Variants in PYM1 observed in about 807,000 individuals in gnomAD.
PYM1 encodes PYM1 exon junction complex associated factor, also known as partner of Y14 and mago.
In PYM1, 7 loss-of-function variants were observed where a neutral mutation model predicts 20.7. That is an observed-to-expected ratio of 0.34 (90% CI 0.19 to 0.64). The LOEUF is 0.64. Ranked by LOEUF, PYM1 falls within the 30% of genes least tolerant of loss-of-function variation. The probability of loss-of-function intolerance (pLI) is 0.74; values close to 1 mark genes in which losing one functional copy is unlikely to be tolerated. For synonymous variants in PYM1, 100 were observed against 99.2 expected (o/e 1.01, Z -0.05); for missense variants, 194 against 250.0 (o/e 0.78, Z 1.51).
At chr12:55,905,879 GAT>G (rs1176896318) in intron 1 of PYM1, among the ~76,000 whole-genome samples, 2 of 104,984 alleles carry the variant, frequency 1.9e-5, no homozygotes, top group South Asian at 2.8e-4. Context: ...ATATCTATTA[GAT>G]ATATATATTA....
chr12:55,914,503 A>G (rs1426151555), intron 1 of PYM1: 1 of 620,880 alleles, frequency 1.6e-6, no homozygotes, highest in Admixed American at 2.7e-5. Context: ...CCGTTTTTTA[A>G]TTCTCAATCT....
chr12:55,926,747 TGA>T (rs1883195172), intron 1 of PYM1, among the ~76,000 whole-genome samples: 2 of 151,328 alleles, frequency 1.3e-5, no homozygotes, highest in African/African-American at 4.9e-5. Context: ...TGGAGGGAAA[TGA>T]GAGTGTAGAA....
intron 1 of PYM1, among the ~76,000 whole-genome samples, chr12:55,908,293 T>G (rs1028438337): frequency 2.6e-5 from 4 of 151,546 alleles, no homozygotes; most frequent in Non-Finnish European, 4.4e-5. Flanking sequence ...TAGCTGGGCA[T>G]GGTGGCACGT....
At chr12:55,905,711 A>AT (rs1158150706) in intron 1 of PYM1, among the ~76,000 whole-genome samples, 4 of 34,304 alleles carry the variant, frequency 1.2e-4, no homozygotes, top group African/African-American at 3.0e-4. Flanking sequence ...CCAATTAAAA[A>AT]ATATATATAT....
At position 55,901,965 on chromosome 12, in the gene PYM1, C is replaced by T. The variant is rs766733413; in HGVS notation, c.522G>A (p.Gly174=). The T allele has an allele frequency of 3.1e-6, 5 of 1,614,152 alleles. No homozygotes were observed. The highest frequency in any genetic ancestry group is 4.2e-6 in the Non-Finnish European group (5 of 1,180,026). The change falls in exon 3 of 3, where the codon GGG becomes GGA. Residue 174 remains glycine, a synonymous_variant. Coordinates refer to ENST00000408946, the MANE Select transcript of PYM1 (RefSeq NM_032345.3). ...VEELQQRIQA[G]EVSQPSKEQL... ...GCTCTTTGCTAGGCTGGCTGACTTCCCCAGCCTGGATCCGCTGCTGCAGCT... is the reference window on the plus strand; with the variant it reads ...GCTCTTTGCTAGGCTGGCTGACTTCTCCAGCCTGGATCCGCTGCTGCAGCT...
intron 1 of PYM1, among the ~76,000 whole-genome samples, chr12:55,919,788 T>C (rs1883067584): frequency 6.6e-6 from 1 of 151,782 alleles, no homozygotes; most frequent in South Asian, 2.1e-4. Flanking sequence ...TAATCTCATC[T>C]ATTTGGGAGG....
intron 1 of PYM1, 148 bp downstream of exon 1, chr12:55,927,577 G>C (rs1364036122): frequency 1.9e-6 from 2 of 1,037,124 alleles, no homozygotes; most frequent in Non-Finnish European, 2.8e-6. Context: ...GGGCGCACAA[G>C]TGTTTCTAGG....
At chr12:55,915,134 G>T (rs549881167) in intron 1 of PYM1, among the ~76,000 whole-genome samples, 1 of 149,742 alleles carries the variant, frequency 6.7e-6, no homozygotes, top group Non-Finnish European at 1.5e-5. Flanking sequence ...AGAATCCCTT[G>T]AAGGCGGGAG....
chr12:55,911,652 C>T (rs1882925040), intron 1 of PYM1, among the ~76,000 whole-genome samples: 1 of 151,770 alleles, frequency 6.6e-6, no homozygotes, highest in Non-Finnish European at 1.5e-5. Flanking sequence ...ACCAGCCTGG[C>T]CAACATGGTG....
intron 1 of PYM1, among the ~76,000 whole-genome samples, chr12:55,909,435 G>A (rs1882882134): frequency 6.6e-6 from 1 of 152,194 alleles, no homozygotes; most frequent in African/African-American, 2.4e-5. Context: ...TTTAATATCT[G>A]GCACATGGCA....
intron 1 of PYM1, chr12:55,914,117 T>C (rs1036804216): frequency 2.6e-5 from 13 of 493,052 alleles, no homozygotes; most frequent in African/African-American, 2.3e-4. Flanking sequence ...GGGACAATAC[T>C]ACAAACATAT....
At chr12:55,925,273 GA>G (rs1883169664) in intron 1 of PYM1, among the ~76,000 whole-genome samples, 1 of 152,230 alleles carries the variant, frequency 6.6e-6, no homozygotes, top group Admixed American at 6.5e-5. Context: ...CAGATTCAAT[GA>G]AATGGGAAGG....
rs1397032776 is a variant in PYM1, at chr12:55,901,541, C to T, written c.*331G>A. ...AAGACTCCAAGACTTGGGCATACTC[C>T]CTCTACCCTCAGCCTCAGTTCTCCA... On this transcript the variant is annotated 3_prime_UTR_variant, in exon 3 of 3. Coordinates refer to ENST00000408946, the MANE Select transcript of PYM1 (RefSeq NM_032345.3). The T allele has an allele frequency of 2.7e-5, 7 of 262,236 alleles. No individual in the cohort carries two copies. The highest frequency in any genetic ancestry group is 1.3e-4 in the African/African-American group (6 of 45,708). 16.2% of individuals were successfully genotyped at this position (262,236 alleles called of 1,614,324 possible). A position where few individuals can be genotyped will look rare whatever the true frequency, so the allele number is the denominator to read the frequency against.
chr12:55,901,776 G>T lies in PYM1; in HGVS notation c.*96C>A. ...CAGGAGGTGGAAGTAAGCCAGTATG[G>T]GGGGTACCCCTCCTGACTGCTGTTG... is the stretch of plus-strand genomic sequence containing the variant. On this transcript the variant is annotated 3_prime_UTR_variant, in exon 3 of 3. Transcript: ENST00000408946. 6.7e-7 allele frequency: 1 copy of T among 1,496,550 alleles called. No individual in the cohort carries two copies. 92.7% of individuals were successfully genotyped at this position (1,496,550 alleles called of 1,614,324 possible). A position where few individuals can be genotyped will look rare whatever the true frequency, so the allele number is the denominator to read the frequency against.
At chr12:55,912,157 C>T (rs1237095501) in intron 1 of PYM1, among the ~76,000 whole-genome samples, 1 of 150,630 alleles carries the variant, frequency 6.6e-6, no homozygotes, top group Non-Finnish European at 1.5e-5. Flanking sequence ...GAGACCAGCC[C>T]GGCCAACATG....
intron 1 of PYM1, among the ~76,000 whole-genome samples, chr12:55,919,195 TG>T (rs767461155): frequency 2.6e-5 from 4 of 152,242 alleles, no homozygotes; most frequent in Non-Finnish European, 4.4e-5. Flanking sequence ...TCACCCAGGC[TG>T]GAGTGCAATA....
chr12:55,926,527 C>G (rs1267436426), intron 1 of PYM1, among the ~76,000 whole-genome samples: 2 of 152,154 alleles, frequency 1.3e-5, no homozygotes, highest in African/African-American at 4.8e-5. Flanking sequence ...AAAACTCAAG[C>G]TGAAAGTTGT....
chr12:55,918,889 G>A (rs1883053184), intron 1 of PYM1, among the ~76,000 whole-genome samples: 1 of 152,058 alleles, frequency 6.6e-6, no homozygotes, highest in Non-Finnish European at 1.5e-5. Context: ...AATAAAAAAG[G>A]TAGTCCTATC....
At chr12:55,912,367 G>A (rs946022571) in intron 1 of PYM1, among the ~76,000 whole-genome samples, 2 of 151,786 alleles carry the variant, frequency 1.3e-5, no homozygotes, top group Admixed American at 1.3e-4. Flanking sequence ...ATTAAAAAAA[G>A]AAAAGAACAT....
Sources: gnomAD v4.1 joint callset for allele counts (sites outside exome capture counted in the v4.1 genomes callset) on GRCh38, gnomAD v4.1.1 for gene constraint, MANE v1.5 for transcripts, NCBI Gene and HGNC (gene_info 2026-07-23, HGNC 2026-07-21) for gene names.